Variants in DOK6 observed in about 807,000 individuals in gnomAD.
DOK6 encodes docking protein 6, also known as downstream of tyrosine kinase 6.
DOK6 carries 22 observed loss-of-function variants against 44.0 expected under a neutral mutation model. The ratio of observed to expected loss-of-function variants is 0.50; its 90% confidence interval spans 0.36 to 0.71. DOK6 has a LOEUF of 0.71. Ranked by LOEUF, DOK6 falls within the 30% of genes least tolerant of loss-of-function variation. DOK6 has a pLI of 0.00. For synonymous variants in DOK6, 166 were observed against 145.5 expected, an observed-to-expected ratio of 1.14 and a Z score of -1.01; for missense variants, 340 against 416.4, an observed-to-expected ratio of 0.82 and a Z score of 1.60.
intron 3 of DOK6, among the ~76,000 whole-genome samples, chr18:69,620,735 C>A (rs973485278): frequency 6.6e-6 from 1 of 152,128 alleles, no homozygotes; most frequent in Non-Finnish European, 1.5e-5. Flanking sequence ...GCATTATTAA[C>A]GTACTTGTAA....
intron 1 of DOK6, among the ~76,000 whole-genome samples, chr18:69,491,985 T>G (rs17081077): frequency 6.6e-6 from 1 of 152,222 alleles, no homozygotes; most frequent in South Asian, 2.1e-4. Context: ...AGAACTCAGA[T>G]AGTTTTATTA....
Position 69,590,589 on chromosome 18 carries a change from T to G in DOK6, c.175-8795T>G, listed in dbSNP as rs990001269. On this transcript the variant is annotated intron_variant, in intron 2 of 7. Coordinates refer to ENST00000382713, the MANE Select transcript of DOK6 (RefSeq NM_152721.6). ...AGATGTGCAGGTAGCAACTAAATCA[T>G]GGAAAGCCTTCTAGTTCTTGCTAAA... is the stretch of plus-strand genomic sequence containing the variant. Among the ~76,000 whole-genome samples the G allele has an allele frequency of 2.6e-5, 4 of 152,260 alleles. No homozygotes were observed. In the South Asian group the frequency reaches 8.3e-4, roughly 32 times the overall value.
intron 3 of DOK6, among the ~76,000 whole-genome samples, chr18:69,671,742 C>T (rs2144680732): frequency 6.6e-6 from 1 of 152,312 alleles, no homozygotes; most frequent in Admixed American, 6.5e-5. Flanking sequence ...CTCCAAGAGA[C>T]TACTCACCAA....
At chr18:69,710,129 T>C (rs1986725079) in intron 5 of DOK6, among the ~76,000 whole-genome samples, 1 of 152,170 alleles carries the variant, frequency 6.6e-6, no homozygotes, top group African/African-American at 2.4e-5. Context: ...CACTGAGCCA[T>C]GTTCATGCCA....
chr18:69,742,701 G>C (rs1477092129), intron 6 of DOK6, among the ~76,000 whole-genome samples: 1 of 152,210 alleles, frequency 6.6e-6, no homozygotes, highest in Non-Finnish European at 1.5e-5. Context: ...GAGCAAGAAA[G>C]TTCCTTCTCA....
intron 5 of DOK6, among the ~76,000 whole-genome samples, chr18:69,706,928 C>G (rs1986649289): frequency 6.6e-6 from 1 of 151,828 alleles, no homozygotes; most frequent in African/African-American, 2.4e-5. Context: ...TTAATCCAGT[C>G]TATCATTGTT....
chr18:69,604,566 A>G (rs1983951124), intron 3 of DOK6, among the ~76,000 whole-genome samples: 1 of 152,208 alleles, frequency 6.6e-6, no homozygotes, highest in African/African-American at 2.4e-5. Context: ...ACTACTTTTT[A>G]TGTATAGATC....
intron 3 of DOK6, among the ~76,000 whole-genome samples, chr18:69,628,514 G>A (rs1370396603): frequency 1.3e-5 from 2 of 151,746 alleles, no homozygotes; most frequent in Non-Finnish European, 2.9e-5. Context: ...TATATATTTG[G>A]GAAATGTTAG....
At chr18:69,410,552 T>C (rs1265797495) in intron 1 of DOK6, among the ~76,000 whole-genome samples, 1 of 152,214 alleles carries the variant, frequency 6.6e-6, no homozygotes, top group Non-Finnish European at 1.5e-5. Context: ...TCCATAATGC[T>C]TTATAATGTG....
intron 1 of DOK6, among the ~76,000 whole-genome samples, chr18:69,512,716 T>C (rs1360658796): frequency 6.6e-6 from 1 of 152,208 alleles, no homozygotes; most frequent in Non-Finnish European, 1.5e-5. Context: ...ATCCTGAGTA[T>C]TAGCCCTTCC....
At chr18:69,475,174 T>C (rs1264563615) in intron 1 of DOK6, among the ~76,000 whole-genome samples, 2 of 152,216 alleles carry the variant, frequency 1.3e-5, no homozygotes, top group East Asian at 3.8e-4. Flanking sequence ...AATAAGCATT[T>C]GTATAACATA....
chr18:69,412,816 T>C (rs1243589758), intron 1 of DOK6, among the ~76,000 whole-genome samples: 1 of 152,152 alleles, frequency 6.6e-6, no homozygotes, highest in African/African-American at 2.4e-5. Context: ...ATGCCCAAAA[T>C]GCTTATCTCC....
chr18:69,581,292 T>G (rs1983363492), intron 2 of DOK6, among the ~76,000 whole-genome samples: 1 of 151,980 alleles, frequency 6.6e-6, no homozygotes, highest in Non-Finnish European at 1.5e-5. Flanking sequence ...TCATCACTCA[T>G]GCCTTCCCAG....
At chr18:69,640,999 A>G (rs7226842) in intron 3 of DOK6, among the ~76,000 whole-genome samples, 141,005 of 152,074 alleles carry the variant, frequency 0.93, 66,340 homozygotes, top group East Asian at 1. Context: ...GGATCACGAG[A>G]TCAGGAGATC....
intron 7 of DOK6, among the ~76,000 whole-genome samples, chr18:69,835,459 C>T (rs1446974288): frequency 5.2e-5 from 7 of 134,810 alleles, no homozygotes; most frequent in African/African-American, 1.1e-4. Context: ...AACGAGACTC[C>T]GTCTCAAAAA....
intron 7 of DOK6, among the ~76,000 whole-genome samples, chr18:69,782,099 TATAG>T (rs34488453): frequency 0.41 from 61,679 of 151,564 alleles, 14,319 homozygotes; most frequent in East Asian, 0.57. Context: ...GAAGATTAGC[TATAG>T]AGACTACAGA....
intron 1 of DOK6, among the ~76,000 whole-genome samples, chr18:69,548,433 A>G (rs1364009993): frequency 1.3e-5 from 2 of 151,558 alleles, no homozygotes; most frequent in Non-Finnish European, 3.0e-5. Flanking sequence ...GCTTTACATT[A>G]TCAGAGAGCC....
At chr18:69,686,890 A>G (rs1358802689) in intron 4 of DOK6, among the ~76,000 whole-genome samples, 2 of 152,134 alleles carry the variant, frequency 1.3e-5, no homozygotes, top group East Asian at 3.8e-4. Context: ...GAAAATCCAA[A>G]AAGCCCTATA....
At chr18:69,494,173 A>T (rs562553857) in intron 1 of DOK6, among the ~76,000 whole-genome samples, 39 of 152,294 alleles carry the variant, frequency 2.6e-4, no homozygotes, top group African/African-American at 9.4e-4. Flanking sequence ...CCCACTTAAG[A>T]TTTTTAAAGA....
Sources: gnomAD v4.1 joint callset for allele counts (sites outside exome capture counted in the v4.1 genomes callset) on GRCh38, gnomAD v4.1.1 for gene constraint, MANE v1.5 for transcripts, NCBI Gene and HGNC (gene_info 2026-07-23, HGNC 2026-07-21) for gene names.